Variants in PDS5A observed in about 807,000 individuals in gnomAD.
PDS5A encodes the protein PDS5 cohesin associated factor A.
A neutral mutation model predicts 167.1 loss-of-function variants in PDS5A; 42 were observed. That is an observed-to-expected ratio of 0.25 (90% CI 0.20 to 0.33). The LOEUF (loss-of-function observed/expected upper bound fraction) is 0.33, where lower values mean the gene tolerates loss of function less well. Ranked by LOEUF, PDS5A falls within the 10% of genes least tolerant of loss-of-function variation. The probability of loss-of-function intolerance (pLI) is 1.00; values close to 1 mark genes in which losing one functional copy is unlikely to be tolerated. For synonymous variants in PDS5A, 553 were observed against 554.6 expected, an observed-to-expected ratio of 1.00 and a Z score of 0.04; for missense variants, 1,033 against 1,605.9, an observed-to-expected ratio of 0.64 and a Z score of 6.10.
chr4:39,951,956 G>A (rs1728445272), intron 2 of PDS5A, among the ~76,000 whole-genome samples: 1 of 148,184 alleles, frequency 6.7e-6, no homozygotes, highest in Non-Finnish European at 1.5e-5. Flanking sequence ...TGACAACACT[G>A]TGTGGAAAAA....
chr4:39,840,702 C>T (rs905911554), intron 31 of PDS5A, among the ~76,000 whole-genome samples: 14 of 152,130 alleles, frequency 9.2e-5, no homozygotes, highest in African/African-American at 1.9e-4. Context: ...GGTCGCCTCC[C>T]GCATAGCTGG....
rs746948897 is a variant in PDS5A, at chr4:39,837,850, C to G, written c.4010+6G>C. 1.9e-6 allele frequency: 3 copies of G among 1,596,660 alleles called. No homozygotes were observed. The highest frequency in any genetic ancestry group is 3.5e-5 in the Admixed American group (2 of 57,698). ...TTCCCACTTGAGGAAGAATGGCGTA[C>G]ATTACCTTTGTAAGTCAATTTGTCT... On this transcript the variant is annotated splice_donor_region_variant and intron_variant, in intron 32 of 32. Coordinates refer to ENST00000303538, the MANE Select transcript of PDS5A (RefSeq NM_001100399.2).
At chr4:39,966,281 T>G (rs1424717001) in intron 2 of PDS5A, among the ~76,000 whole-genome samples, 1 of 152,148 alleles carries the variant, frequency 6.6e-6, no homozygotes, top group Non-Finnish European at 1.5e-5. Context: ...TTCATGGAAG[T>G]AAAAATAATT....
intron 2 of PDS5A, among the ~76,000 whole-genome samples, chr4:39,929,560 A>C (rs1725807888): frequency 1.1e-5 from 1 of 87,022 alleles, no homozygotes; most frequent in African/African-American, 7.6e-5. Flanking sequence ...TATATATCCC[A>C]TTAATATCCT....
chr4:39,856,414 G>A lies in PDS5A; in HGVS notation c.3086+5805C>T, dbSNP rs371542031. On this transcript the variant is annotated intron_variant, in intron 26 of 32. Transcript: ENST00000303538. ...AAAGAACACTACATAGTAATTTAAAGCCATAAGAAGAAATAAGTAAATCTG... is the reference window on the plus strand; with the variant it reads ...AAAGAACACTACATAGTAATTTAAAACCATAAGAAGAAATAAGTAAATCTG... 8.8e-4 allele frequency among the ~76,000 whole-genome samples: 134 copies of A among 152,310 alleles called. 1 individual carries two copies. Among genetic ancestry groups the A allele is most frequent in the Middle Eastern group, 6.8e-3 (2 of 294 alleles).
intron 32 of PDS5A, among the ~76,000 whole-genome samples, chr4:39,828,504 T>C (rs1047358246): frequency 1.3e-5 from 2 of 152,180 alleles, no homozygotes; most frequent in Non-Finnish European, 2.9e-5. Flanking sequence ...ATATTAGAAG[T>C]TATGGCTGTG....
Position 39,824,828 on chromosome 4 carries a change from TCTCA to T in PDS5A, c.*653_*656del, listed in dbSNP as rs1027758368. On this transcript the variant is annotated 3_prime_UTR_variant, in exon 33 of 33. Coordinates refer to ENST00000303538, the MANE Select transcript of PDS5A (RefSeq NM_001100399.2). ...ACTTGCAAATCAATAATTTTAATTT[TCTCA>T]CTCTGATAAAAATCAGAAAGCAACA... 13 of 152,640 alleles carry T rather than the reference TCTCA, an allele frequency of 8.5e-5. No individual in the cohort carries two copies. The highest frequency in any genetic ancestry group is 2.0e-4 in the Admixed American group (3 of 15,264). The allele number at this position is 152,640 out of a possible 1,614,324, so 9.5% of individuals were successfully genotyped here.
intron 2 of PDS5A, among the ~76,000 whole-genome samples, chr4:39,966,848 A>T (rs868305156): frequency 6.7e-6 from 1 of 149,808 alleles, no homozygotes; most frequent in South Asian, 2.1e-4. Context: ...AAATGCAAAA[A>T]ATTAGCCGGG....
chr4:39,889,370 G>A (rs1030969185), intron 17 of PDS5A, among the ~76,000 whole-genome samples: 5 of 152,338 alleles, frequency 3.3e-5, no homozygotes, highest in African/African-American at 1.2e-4. Flanking sequence ...GCCAGGCACT[G>A]GGGTATTTTG....
chr4:39,898,044 G>A (rs1037680774), intron 16 of PDS5A: 13 of 992,288 alleles, frequency 1.3e-5, no homozygotes, highest in African/African-American at 1.7e-5. Context: ...ATTTATTGAC[G>A]ATTATTTCCA....
intron 31 of PDS5A, among the ~76,000 whole-genome samples, chr4:39,839,038 GA>G (rs1716702002): frequency 6.6e-6 from 1 of 151,976 alleles, no homozygotes; most frequent in Non-Finnish European, 1.5e-5. Flanking sequence ...AATAGTACTT[GA>G]AAAATAAAAT....
At chr4:39,910,789 G>GT (rs1723814208) in intron 9 of PDS5A, among the ~76,000 whole-genome samples, 1 of 152,176 alleles carries the variant, frequency 6.6e-6, no homozygotes, top group South Asian at 2.1e-4. Flanking sequence ...GTGGCCAGGA[G>GT]TTTAAGACCA....
At chr4:39,883,497 T>A (rs1721143624) in intron 17 of PDS5A, among the ~76,000 whole-genome samples, 1 of 152,052 alleles carries the variant, frequency 6.6e-6, no homozygotes, top group Non-Finnish European at 1.5e-5. Context: ...TAGCACCTTT[T>A]CAAGGTATTT....
intron 11 of PDS5A, among the ~76,000 whole-genome samples, chr4:39,906,889 T>C (rs984498916): frequency 3.8e-5 from 5 of 131,682 alleles, no homozygotes; most frequent in Admixed American, 3.3e-4. Flanking sequence ...TGTAACAGGT[T>C]AGCAAAAGCC....
In PDS5A at chr4:39,913,597, A is replaced by T. The variant is rs770288224; in HGVS notation, c.992+14T>A. The T allele has an allele frequency of 4.9e-5, 67 of 1,375,670 alleles. 1 individual carries two copies. Among genetic ancestry groups the T allele is most frequent in the Non-Finnish European group, 7.0e-5 (67 of 962,524 alleles). 85.2% of individuals were successfully genotyped at this position (1,375,670 alleles called of 1,614,324 possible). ...TTTCTAAAATATAAACATCAGAATT[A>T]TATGTTCTCTTACCGTCCAAGAAAA... On this transcript the variant is annotated intron_variant, in intron 9 of 32. Coordinates refer to ENST00000303538, the MANE Select transcript of PDS5A (RefSeq NM_001100399.2).
chr4:39,884,190 G>C (rs1359359922), intron 17 of PDS5A, among the ~76,000 whole-genome samples: 1 of 152,138 alleles, frequency 6.6e-6, no homozygotes, highest in Non-Finnish European at 1.5e-5. Flanking sequence ...GCCTCCCAAA[G>C]TGCTGGGATT....
At chr4:39,944,276 A>C (rs1727532946) in intron 2 of PDS5A, among the ~76,000 whole-genome samples, 1 of 152,162 alleles carries the variant, frequency 6.6e-6, no homozygotes, top group African/African-American at 2.4e-5. Context: ...CCTTCAAGAT[A>C]ACCCACAAAC....
intron 5 of PDS5A, 122 bp downstream of exon 5, chr4:39,925,714 G>C: frequency 2.7e-6 from 1 of 375,770 alleles, no homozygotes; most frequent in Non-Finnish European, 4.9e-6. Context: ...TTTATGTTAA[G>C]TTTTCTAAGG....
At chr4:39,921,253 C>G (rs535085618) in intron 6 of PDS5A, among the ~76,000 whole-genome samples, 1 of 152,108 alleles carries the variant, frequency 6.6e-6, no homozygotes, top group Non-Finnish European at 1.5e-5. Context: ...AAAACGAAAA[C>G]GAATGAACAT....
Sources: gnomAD v4.1 joint callset for allele counts (sites outside exome capture counted in the v4.1 genomes callset) on GRCh38, gnomAD v4.1.1 for gene constraint, MANE v1.5 for transcripts, NCBI Gene and HGNC (gene_info 2026-07-23, HGNC 2026-07-21) for gene names.